Variants in SHISA6 observed in about 807,000 individuals in gnomAD.
The protein encoded by SHISA6 is protein shisa-6.
In SHISA6, 22 loss-of-function variants were observed where a neutral mutation model predicts 47.9. The observed-to-expected ratio is 0.46, with a 90% CI of 0.33 to 0.66. The LOEUF (loss-of-function observed/expected upper bound fraction) is 0.66. Ranked by LOEUF, SHISA6 falls within the 30% of genes least tolerant of loss-of-function variation. SHISA6 has a pLI of 0.02. For synonymous variants in SHISA6, 388 were observed against 337.8 expected, an observed-to-expected ratio of 1.15 and a Z score of -1.63; for missense variants, 680 against 764.6, an observed-to-expected ratio of 0.89 and a Z score of 1.30.
chr17:11,420,801 A>C (rs1345107719), intron 3 of SHISA6, among the ~76,000 whole-genome samples: 2 of 152,232 alleles, frequency 1.3e-5, no homozygotes, highest in Admixed American at 1.3e-4. Flanking sequence ...CGGGGGAACC[A>C]GTCAATTGGC....
intron 3 of SHISA6, among the ~76,000 whole-genome samples, chr17:11,504,191 C>G (rs1273802709): frequency 1.3e-5 from 2 of 152,152 alleles, no homozygotes; most frequent in Non-Finnish European, 2.9e-5. Flanking sequence ...AGAGGGAAGG[C>G]TGGCTTCATG....
intron 3 of SHISA6, among the ~76,000 whole-genome samples, chr17:11,545,145 C>T (rs1048795376): frequency 4.0e-5 from 5 of 124,150 alleles, no homozygotes; most frequent in East Asian, 2.7e-4. Flanking sequence ...TTCAACAGGT[C>T]GATGGTTTAA....
At chr17:11,268,572 G>A (rs1376035590) in intron 2 of SHISA6, among the ~76,000 whole-genome samples, 1 of 152,210 alleles carries the variant, frequency 6.6e-6, no homozygotes, top group Non-Finnish European at 1.5e-5. Flanking sequence ...TGCTCAAGCA[G>A]CACTGTTTTG....
chr17:11,500,403 T>G (rs751295153), intron 3 of SHISA6, among the ~76,000 whole-genome samples: 2 of 152,206 alleles, frequency 1.3e-5, no homozygotes, highest in Non-Finnish European at 2.9e-5. Flanking sequence ...GCAAAAGTGC[T>G]GTGCATGGCC....
chr17:11,486,659 CATAA>C (rs1230434560), intron 3 of SHISA6, among the ~76,000 whole-genome samples: 2 of 152,144 alleles, frequency 1.3e-5, no homozygotes, highest in Non-Finnish European at 2.9e-5. Flanking sequence ...AAGGTGAGAC[CATAA>C]ATAGACATGC....
At chr17:11,449,823 C>T (rs541211828) in intron 3 of SHISA6, among the ~76,000 whole-genome samples, 4 of 152,298 alleles carry the variant, frequency 2.6e-5, no homozygotes, top group East Asian at 1.9e-4. Context: ...TCTTCCTTGG[C>T]GATAGATGTT....
At chr17:11,390,541 T>C (rs1459916146) in intron 3 of SHISA6, among the ~76,000 whole-genome samples, 1 of 152,202 alleles carries the variant, frequency 6.6e-6, no homozygotes, top group African/African-American at 2.4e-5. Context: ...CACCATTTTA[T>C]TATAACGAAA....
At chr17:11,537,630 G>C (rs2071798655) in intron 3 of SHISA6, among the ~76,000 whole-genome samples, 1 of 152,158 alleles carries the variant, frequency 6.6e-6, no homozygotes. Context: ...GCCTTAGGAA[G>C]AAGAGAAGAA....
At chr17:11,479,649 A>G (rs1916163789) in intron 3 of SHISA6, among the ~76,000 whole-genome samples, 1 of 152,094 alleles carries the variant, frequency 6.6e-6, no homozygotes, top group African/African-American at 2.4e-5. Context: ...AAAAGAAGAA[A>G]AAATAATAAT....
chr17:11,562,528 G>A lies in SHISA6; in HGVS notation c.*4224G>A, dbSNP rs140157703. On this transcript the variant is annotated 3_prime_UTR_variant, in exon 6 of 6. Coordinates refer to ENST00000441885, the MANE Select transcript of SHISA6 (RefSeq NM_207386.4). ...TTTTAATGGCAGATTCAATATGAAGGACATGTCTTCCTGGGCTCTATATTT... is the reference window on the plus strand; with the variant it reads ...TTTTAATGGCAGATTCAATATGAAGAACATGTCTTCCTGGGCTCTATATTT... 1 of 152,198 alleles carries A rather than the reference G, an allele frequency of 6.6e-6. No homozygotes were observed. The highest frequency in any genetic ancestry group is 1.5e-5 in the Non-Finnish European group (1 of 68,000). The allele number at this position is 152,198 out of a possible 1,614,324, so 9.4% of individuals were successfully genotyped here. A position where few individuals can be genotyped will look rare whatever the true frequency, so the allele number is the denominator to read the frequency against.
intron 2 of SHISA6, among the ~76,000 whole-genome samples, chr17:11,361,122 G>A (rs1309804418): frequency 1.3e-5 from 2 of 150,718 alleles, no homozygotes; most frequent in South Asian, 2.1e-4. Flanking sequence ...ATAGCCTTAC[G>A]TCATATCTAG....
At position 11,558,353 on chromosome 17, in the gene SHISA6, G is replaced by GC; in HGVS notation, c.*51dup. On this transcript the variant is annotated 3_prime_UTR_variant, in exon 6 of 6. Coordinates refer to ENST00000441885, the MANE Select transcript of SHISA6 (RefSeq NM_207386.4). The stretch of plus-strand genomic sequence containing the variant: ...CTGGGCGTGGCAGAGCAGAGCGGGG[G>GC]CCGGGAGGGGCCAGGAGCAGAGCTT... 6.7e-7 allele frequency: 1 copy of GC among 1,499,680 alleles called. No individual in the cohort carries two copies. The highest frequency in any genetic ancestry group is 2.5e-5 in the East Asian group (1 of 40,598). 92.9% of individuals were successfully genotyped at this position (1,499,680 alleles called of 1,614,324 possible). A position where few individuals can be genotyped will look rare whatever the true frequency, so the allele number is the denominator to read the frequency against.
intron 3 of SHISA6, among the ~76,000 whole-genome samples, chr17:11,550,325 G>A (rs931197054): frequency 6.6e-6 from 1 of 152,142 alleles, no homozygotes; most frequent in African/African-American, 2.4e-5. Context: ...AAAGTGCTGG[G>A]ATTACAGGTG....
At chr17:11,255,309 A>C (rs913181991) in intron 1 of SHISA6, among the ~76,000 whole-genome samples, 1 of 152,174 alleles carries the variant, frequency 6.6e-6, no homozygotes, top group African/African-American at 2.4e-5. Flanking sequence ...AATTGTTTTA[A>C]AGAAGGAAGA....
At chr17:11,376,059 A>G (rs1486682687) in intron 2 of SHISA6, among the ~76,000 whole-genome samples, 1 of 152,094 alleles carries the variant, frequency 6.6e-6, no homozygotes, top group Non-Finnish European at 1.5e-5. Context: ...CTGGATATAC[A>G]TGGTTGTTTC....
rs560640137 is a variant in SHISA6 at position 11,544,688 on chromosome 17, C to T, written c.896-7208C>T. ...AAAAATTAAATATGCAGGCCGGGTG[C>T]GGTGGCTCACACCTGTAATCCCAGC... On this transcript the variant is annotated intron_variant, in intron 3 of 5. Transcript: ENST00000441885. Among the ~76,000 whole-genome samples, 233 of 152,172 alleles carry T rather than the reference C, an allele frequency of 1.5e-3. 1 individual carries two copies. Among genetic ancestry groups the T allele is most frequent in the African/African-American group, 4.3e-3 (177 of 41,528 alleles).
intron 3 of SHISA6, among the ~76,000 whole-genome samples, chr17:11,453,780 C>T (rs182800759): frequency 2.7e-4 from 41 of 152,234 alleles, no homozygotes; most frequent in African/African-American, 9.4e-4. Context: ...AGGCATTATG[C>T]GAGATGCAAG....
At chr17:11,362,471 G>A (rs766771659) in intron 2 of SHISA6, among the ~76,000 whole-genome samples, 1 of 152,098 alleles carries the variant, frequency 6.6e-6, no homozygotes, top group African/African-American at 2.4e-5. Flanking sequence ...AATCTCTGTC[G>A]ACCTGCTTTC....
intron 3 of SHISA6, among the ~76,000 whole-genome samples, chr17:11,487,441 T>C (rs1438673235): frequency 6.6e-6 from 1 of 152,122 alleles, no homozygotes; most frequent in African/African-American, 2.4e-5. Flanking sequence ...TCCCAGAGAA[T>C]GTTGTGGGGT....
Sources: gnomAD v4.1 joint callset for allele counts (sites outside exome capture counted in the v4.1 genomes callset) on GRCh38, gnomAD v4.1.1 for gene constraint, MANE v1.5 for transcripts, NCBI Gene and HGNC (gene_info 2026-07-23, HGNC 2026-07-21) for gene names.